The following TRPT1 variants were observed in gnomAD, a reference collection of about 807,000 sequenced individuals.
The protein encoded by TRPT1 is tRNA phosphotransferase 1, also known as tRNA 2'-phosphotransferase 1.
A neutral mutation model predicts 28.4 loss-of-function variants in TRPT1; 22 were observed. The observed-to-expected ratio is 0.78, with a 90% CI of 0.55 to 1.11. The LOEUF (loss-of-function observed/expected upper bound fraction) is 1.11. Ranked by LOEUF, TRPT1 falls within the 50% of genes least tolerant of loss-of-function variation. The pLI, the probability that TRPT1 is intolerant of heterozygous loss-of-function variation, is 0.00. For synonymous variants in TRPT1, 137 were observed against 132.4 expected, an observed-to-expected ratio of 1.03 and a Z score of -0.24; for missense variants, 308 against 317.7, an observed-to-expected ratio of 0.97 and a Z score of 0.23.
At chr11:64,226,012 G>A (rs1444330097) in intron 1 of TRPT1, 38 bp downstream of exon 1, 13 of 612,184 alleles carry the variant, frequency 2.1e-5, no homozygotes, top group Non-Finnish European at 2.9e-6. Context: ...AGTCCCTGCT[G>A]CAGAGAGGGA....
At chr11:64,225,621 C>G in intron 2 of TRPT1, 41 bp from the exon 3 acceptor site, 3 of 1,571,236 alleles carry the variant, frequency 1.9e-6, no homozygotes, top group Non-Finnish European at 2.6e-6. Flanking sequence ...CCATGGTGAC[C>G]CTGCCCTACT....
At position 64,225,539 on chromosome 11, in the gene TRPT1, C is replaced by T. The variant is rs558042665; in HGVS notation, c.117G>A (p.Leu39=). ...VQLSKALSYA[L]RHGALKLGLP... ...GCCCCAGCTTCAAGGCCCCATGGCG[C>T]AGGGCATAGGACAGAGCCTTGGACA... is the stretch of plus-strand genomic sequence containing the variant. Residue 39 remains leucine (L), a synonymous_variant, in exon 3 of 8, where the codon CTG becomes CTA. Coordinates refer to ENST00000317459, the MANE Select transcript of TRPT1 (RefSeq NM_001033678.4). The T allele has an allele frequency of 4.2e-5, 67 of 1,613,150 alleles. No individual in the cohort carries two copies. The South Asian group carries it at 7.3e-4, about 17-fold the overall frequency.
Position 64,224,575 on chromosome 11 carries a change from G to A in TRPT1, c.470C>T (p.Pro157Leu). ...GATACCGGGGTCTCCAGGCAGTCCT[G>A]GGGCCAGGTGAATGTGCGTCCTTCC... ...CQGRTHIHLAPGLPGDPGIIS... is the reference protein window; with the variant it reads ...CQGRTHIHLALGLPGDPGIIS... The change falls in exon 5 of 8, where the codon CCA becomes CTA. Residue 157 changes from proline (P) to leucine (L), a missense_variant. Transcript: ENST00000317459. The A allele has an allele frequency of 6.3e-7, 1 of 1,581,730 alleles. No homozygotes were observed. Among genetic ancestry groups the A allele is most frequent in the East Asian group, 2.2e-5 (1 of 44,642 alleles).
In TRPT1 at chr11:64,224,556, G is replaced by T; in HGVS notation, c.489C>A (p.Pro163=). ...IHLAPGLPGD[P]GIISGMRSHC... is the part of the protein sequence containing the mutation. ...GAGGGCACTGACCACTGATGATACC[G>T]GGGTCTCCAGGCAGTCCTGGGGCCA... is the stretch of plus-strand genomic sequence containing the variant. The change falls in exon 5 of 8, where the codon CCC becomes CCA. Residue 163 remains proline, a synonymous_variant. Transcript: ENST00000317459. 1 of 1,568,262 alleles carries T rather than the reference G, an allele frequency of 6.4e-7. No individual in the cohort carries two copies. Among genetic ancestry groups the T allele is most frequent in the Non-Finnish European group, 8.7e-7 (1 of 1,155,054 alleles).
chr11:64,225,426 A>T, intron 3 of TRPT1, 73 bp downstream of exon 3: 6 of 1,322,166 alleles, frequency 4.5e-6, no homozygotes, highest in Non-Finnish European at 6.4e-6. Context: ...GGAGGCAGCC[A>T]TCAGGGAGGA....
rs751953482 is a variant in TRPT1 at position 64,224,193 on chromosome 11, G to C, written c.577C>G (p.Arg193Gly). ...GTCAGAATCACCCCATTGGCAGAGC[G>C]GAAGAAGGGTATTCCATCTGCTGAC... ...LALADGIPFF[R>G]SANGVILTPG... is the part of the protein sequence containing the mutation. Residue 193 changes from arginine to glycine, a missense_variant, in exon 7 of 8, where the codon CGC (arginine) becomes GGC (glycine). By Grantham distance (125) the Arg-to-Gly change is moderately radical (BLOSUM62 -2). Coordinates refer to ENST00000317459, the MANE Select transcript of TRPT1 (RefSeq NM_001033678.4). The C allele has an allele frequency of 1.2e-6, 2 of 1,609,934 alleles. No homozygotes were observed. The highest frequency in any genetic ancestry group is 1.7e-6 in the Non-Finnish European group (2 of 1,177,158).
intron 7 of TRPT1, 29 bp downstream of exon 7, chr11:64,224,071 G>T (rs530408080): frequency 6.3e-7 from 1 of 1,599,670 alleles, no homozygotes; most frequent in African/African-American, 1.3e-5. Context: ...TCAGGAACAA[G>T]GAATAGGGGC....
Position 64,224,581 on chromosome 11 carries a change from A to T in TRPT1, c.464T>A (p.Leu155Gln). ...GGGGTCTCCAGGCAGTCCTGGGGCC[A>T]GGTGAATGTGCGTCCTTCCCTGGCA... ...LSCQGRTHIH[L>Q]APGLPGDPGI... is the part of the protein sequence containing the mutation. Residue 155 changes from leucine (L) to glutamine (Q), a missense_variant, in exon 5 of 8, where the codon CTG becomes CAG. Physicochemically the swap from Leu to Gln is moderately radical, Grantham distance 113 (BLOSUM62 -2). Transcript: ENST00000317459. The T allele has an allele frequency of 1.3e-6, 2 of 1,586,462 alleles. No individual in the cohort carries two copies. The highest frequency in any genetic ancestry group is 1.7e-6 in the Non-Finnish European group (2 of 1,165,198).
At position 64,224,306 on chromosome 11, in the gene TRPT1, C is replaced by G. The variant is rs538111971; in HGVS notation, c.538G>C (p.Asp180His). The change falls in exon 6 of 8, where the codon GAT becomes CAT. Residue 180 changes from aspartate (D) to histidine (H), a missense_variant. Transcript: ENST00000317459. ...TCACCTGCCAGAGCCAGGGGTCCATCGATGAACACAGCTATTTCACAATGG... is the reference window on the plus strand; with the variant it reads ...TCACCTGCCAGAGCCAGGGGTCCATGGATGAACACAGCTATTTCACAATGG... ...RSHCEIAVFI[D>H]GPLALADGIP... The G allele has an allele frequency of 1.9e-6, 3 of 1,613,854 alleles. No homozygotes were observed. Among genetic ancestry groups the G allele is most frequent in the Non-Finnish European group, 1.7e-6 (2 of 1,180,036 alleles).
upstream of TRPT1, chr11:64,226,206 C>A: frequency 3.7e-6 from 1 of 271,324 alleles, no homozygotes; most frequent in African/African-American, 2.5e-5. Context: ...GGATCCTCGA[C>A]CGCGGCGGAC....
In TRPT1 at chr11:64,223,927, A is replaced by G. The variant is rs1392912397; in HGVS notation, c.711T>C (p.Cys237=). 1.1e-5 allele frequency: 18 copies of G among 1,613,884 alleles called. No homozygotes were observed. Among genetic ancestry groups the G allele is most frequent in the Non-Finnish European group, 1.4e-5 (17 of 1,179,930 alleles). Residue 237 remains cysteine (C), a synonymous_variant, in exon 8 of 8, where the codon TGT becomes TGC. Coordinates refer to ENST00000317459, the MANE Select transcript of TRPT1 (RefSeq NM_001033678.4). ...TGGAGCTGTGCTTGGGGCTACTCTG[A>G]CACTCTGTCTCTTCATCACCAGCCA... The part of the protein sequence containing the change: ...LSLAGDEETE[C]QSSPKHSSRE...
Position 64,224,598 on chromosome 11 carries a change from TC to T in TRPT1, c.446del (p.Gly149GlufsTer27). The T allele has an allele frequency of 6.3e-7, 1 of 1,599,652 alleles. No individual in the cohort carries two copies. Among genetic ancestry groups the T allele is most frequent in the South Asian group, 1.1e-5 (1 of 88,606 alleles). On this transcript the variant is annotated frameshift_variant, in exon 5 of 8. Transcript: ENST00000317459. LOFTEE classifies it high-confidence loss of function. ...SILLKGLSCQ[G>X]RTHIHLAPGL... ...CTGGGGCCAGGTGAATGTGCGTCCTTCCCTGGCAGGACAGGCCTTTGAGTAG... is the reference window on the plus strand; with the variant it reads ...CTGGGGCCAGGTGAATGTGCGTCCTTCCTGGCAGGACAGGCCTTTGAGTAG...
chr11:64,225,110 C>T, intron 3 of TRPT1, 140 bp from the exon 4 acceptor site: 1 of 940,168 alleles, frequency 1.1e-6, no homozygotes, highest in Non-Finnish European at 1.5e-6. Context: ...AAAGTCTCCC[C>T]TTTCTGGGCC....
rs1295758325 is a variant in TRPT1, at chr11:64,225,848, C to CA, written c.12dup (p.Gly5TrpfsTer13). 1.9e-6 allele frequency: 3 copies of CA among 1,555,014 alleles called. No homozygotes were observed. Among genetic ancestry groups the CA allele is most frequent in the African/African-American group, 1.4e-5 (1 of 73,656 alleles). On this transcript the variant is annotated frameshift_variant, in exon 2 of 8. Transcript: ENST00000317459. LOFTEE classifies it high-confidence loss of function. ...CCTGCTGCTTCCTGCCTCCCTCCTC[C>CA]AGAGAAGTTCATGGTTAAGACCTGT...
At chr11:64,225,476 C>G (rs2134951567) in intron 3 of TRPT1, 23 bp downstream of exon 3, 1 of 1,601,694 alleles carries the variant, frequency 6.2e-7, no homozygotes, top group East Asian at 2.2e-5. Context: ...GCTCAAGCCC[C>G]AGCCTCCAAG....
At position 64,224,958 on chromosome 11, in the gene TRPT1, G is replaced by A. The variant is rs1946890088; in HGVS notation, c.170C>T (p.Pro57Leu). Residue 57 changes from proline (P) to leucine (L), a missense_variant, in exon 4 of 8, where the codon CCC (proline) becomes CTC (leucine). Pro to Leu is a moderately conservative substitution (Grantham distance 98). Transcript: ENST00000317459. ...GGGCAACTGCAGGAGGGTGCCCAGG[G>A]GCACGAAGCCATCTGTGGGCAGGCA... The part of the protein sequence containing the change: ...GLPMGADGFV[P>L]LGTLLQLPQF... The A allele has an allele frequency of 6.4e-7, 1 of 1,560,630 alleles. No individual in the cohort carries two copies. The highest frequency in any genetic ancestry group is 1.4e-5 in the African/African-American group (1 of 73,620).
At position 64,225,770 on chromosome 11, in the gene TRPT1, G is replaced by T; in HGVS notation, c.75+16C>A. 1 of 1,540,962 alleles carries T rather than the reference G, an allele frequency of 6.5e-7. No homozygotes were observed. The highest frequency in any genetic ancestry group is 1.4e-5 in the African/African-American group (1 of 73,124). On this transcript the variant is annotated intron_variant, in intron 2 of 7. Transcript: ENST00000317459. ...GAGCCTGGACTGGTGGGAGGGGGTG[G>T]GGAGGAGGCGCGCACCTGTTCTCGG...
At position 64,224,658 on chromosome 11, in the gene TRPT1, G is replaced by C; in HGVS notation, c.387C>G (p.Val129=). Residue 129 remains valine, a synonymous_variant, in exon 5 of 8, where the codon GTC becomes GTG. Coordinates refer to ENST00000317459, the MANE Select transcript of TRPT1 (RefSeq NM_001033678.4). Reference sequence around the variant, plus strand: ...GCCAGTGCTTCCAGAATGTACCATGGACTAGCATCGGGGGCAGGGCCTGCG... The same window carrying C: ...GCCAGTGCTTCCAGAATGTACCATGCACTAGCATCGGGGGCAGGGCCTGCG... The part of the protein sequence containing the change: ...ETPQALPPML[V]HGTFWKHWPS... 1 of 1,607,404 alleles carries C rather than the reference G, an allele frequency of 6.2e-7. No homozygotes were observed.
chr11:64,225,627 C>A (rs775155992), intron 2 of TRPT1, 47 bp from the exon 3 acceptor site: 1 of 1,559,030 alleles, frequency 6.4e-7, no homozygotes, highest in Non-Finnish European at 8.7e-7. Flanking sequence ...TGACCCTGCC[C>A]TACTGCCCAT....
Sources: gnomAD v4.1 joint callset for allele counts on GRCh38, gnomAD v4.1.1 for gene constraint, MANE v1.5 for transcripts, NCBI Gene and HGNC (gene_info 2026-07-23, HGNC 2026-07-21) for gene names.